The following ZNF679 variants were observed in gnomAD, a reference collection of about 807,000 sequenced individuals.
The protein encoded by ZNF679 is hypothetical protein MGC42415.
ZNF679 carries 10 observed loss-of-function variants against 13.4 expected under a neutral mutation model. The observed-to-expected ratio is 0.75, with a 90% CI of 0.46 to 1.27. The LOEUF is 1.27. Ranked by LOEUF, ZNF679 falls within the 50% of genes most tolerant of loss-of-function variation. ZNF679 has a pLI of 0.00. For missense variants in ZNF679, 525 were observed against 477.8 expected (o/e 1.10, Z -0.92); for synonymous variants, 179 against 162.5 (o/e 1.10, Z -0.77).
intron 1 of ZNF679, among the ~76,000 whole-genome samples, chr7:64,246,989 C>G (rs1475987796): frequency 6.6e-6 from 1 of 152,090 alleles, no homozygotes; most frequent in African/African-American, 2.4e-5. Flanking sequence ...TGGGCAATTC[C>G]CAGAACTGTG....
At chr7:64,245,876 G>T (rs1211973295) in intron 1 of ZNF679, among the ~76,000 whole-genome samples, 1 of 152,016 alleles carries the variant, frequency 6.6e-6, no homozygotes, top group Non-Finnish European at 1.5e-5. Flanking sequence ...TGTGGTGGTG[G>T]GTGCCTGTAA....
chr7:64,265,818 A>AT, intron 4 of ZNF679, 78 bp from the exon 5 acceptor site: 1 of 1,480,894 alleles, frequency 6.8e-7, no homozygotes, highest in Non-Finnish European at 9.0e-7. Context: ...ACCTTGTATA[A>AT]TTTTATATAT....
chr7:64,242,957 G>A (rs930242914), intron 1 of ZNF679, among the ~76,000 whole-genome samples: 2 of 152,112 alleles, frequency 1.3e-5, no homozygotes, highest in Admixed American at 1.3e-4. Flanking sequence ...TATTCTAACT[G>A]TGTATTGTGT....
At chr7:64,244,548 G>A (rs1787840886) in intron 1 of ZNF679, among the ~76,000 whole-genome samples, 1 of 152,126 alleles carries the variant, frequency 6.6e-6, no homozygotes, top group Non-Finnish European at 1.5e-5. Context: ...CTAACCACAA[G>A]TGTACAAAGT....
At position 64,260,934 on chromosome 7, in the gene ZNF679, G is replaced by A. The variant is rs781003068; in HGVS notation, c.262+5G>A. On this transcript the variant is annotated splice_donor_5th_base_variant and intron_variant, in intron 4 of 4. Transcript: ENST00000421025. ...AGATGGTAACCAAACACCCAGGTAAGTGAGAGTGGATGAAGCGGATGACAC... is the reference window on the plus strand; with the variant it reads ...AGATGGTAACCAAACACCCAGGTAAATGAGAGTGGATGAAGCGGATGACAC... The A allele has an allele frequency of 1.9e-6, 3 of 1,608,580 alleles. No individual in the cohort carries two copies. Among genetic ancestry groups the A allele is most frequent in the East Asian group, 2.2e-5 (1 of 44,732 alleles).
chr7:64,239,305 G>A (rs1353395235), intron 1 of ZNF679, among the ~76,000 whole-genome samples: 2 of 152,170 alleles, frequency 1.3e-5, no homozygotes, highest in Non-Finnish European at 2.9e-5. Flanking sequence ...AGAAGGGATT[G>A]GGGCTCTCAT....
intron 4 of ZNF679, 73 bp from the exon 5 acceptor site, chr7:64,265,823 A>G (rs769988141): frequency 5.8e-5 from 86 of 1,490,528 alleles, no homozygotes; most frequent in Non-Finnish European, 7.5e-5. Flanking sequence ...GTATAATTTT[A>G]TATATTCGAT....
chr7:64,259,365 A>T (rs1033412787), intron 2 of ZNF679, among the ~76,000 whole-genome samples: 2 of 152,172 alleles, frequency 1.3e-5, no homozygotes, highest in Non-Finnish European at 2.9e-5. Flanking sequence ...TACTGGGGAA[A>T]CACAGTTGTC....
At chr7:64,264,741 AT>A (rs1199438397) in intron 4 of ZNF679, among the ~76,000 whole-genome samples, 1 of 152,078 alleles carries the variant, frequency 6.6e-6, no homozygotes, top group East Asian at 1.9e-4. Flanking sequence ...TCAGAGGACT[AT>A]GCTTATAAAT....
intron 1 of ZNF679, among the ~76,000 whole-genome samples, chr7:64,232,382 A>G (rs549089814): frequency 6.6e-6 from 1 of 152,248 alleles, no homozygotes; most frequent in Non-Finnish European, 1.5e-5. Flanking sequence ...TAGAATACTC[A>G]GGAGCATACC....
chr7:64,259,907 A>G (rs2091018722), intron 2 of ZNF679, among the ~76,000 whole-genome samples: 1 of 152,064 alleles, frequency 6.6e-6, no homozygotes, highest in African/African-American at 2.4e-5. Flanking sequence ...CACCCTGGGC[A>G]ACAGAGTGAG....
intron 1 of ZNF679, among the ~76,000 whole-genome samples, chr7:64,245,462 G>GGAGA (rs1554370536): frequency 6.8e-6 from 1 of 146,242 alleles, no homozygotes; most frequent in South Asian, 2.2e-4. Context: ...AGAGAGAGAG[G>GGAGA]GAGAGAGAGA....
At position 64,266,145 on chromosome 7, in the gene ZNF679, C is replaced by G. The variant is rs749549821; in HGVS notation, c.512C>G (p.Ser171Cys). The change falls in exon 5 of 5, where the codon TCC (serine) becomes TGC (cysteine). Residue 171 changes from serine (S) to cysteine (C), a missense_variant. Coordinates refer to ENST00000421025, the MANE Select transcript of ZNF679 (RefSeq NM_153363.3). ...CVKVFGKFSNSNRHKTRHTGK... is the reference protein window; with the variant it reads ...CVKVFGKFSNCNRHKTRHTGK... Reference sequence around the variant, plus strand: ...AAAGTCTTCGGCAAATTTTCAAATTCCAATAGACATAAGACAAGACATACT... The same window carrying G: ...AAAGTCTTCGGCAAATTTTCAAATTGCAATAGACATAAGACAAGACATACT... 63 of 1,605,534 alleles carry G rather than the reference C, an allele frequency of 3.9e-5. No individual in the cohort carries two copies. The highest frequency in any genetic ancestry group is 1.4e-4 in the Admixed American group (8 of 58,538).
chr7:64,264,175 C>T (rs530911089), intron 4 of ZNF679, among the ~76,000 whole-genome samples: 1 of 151,588 alleles, frequency 6.6e-6, no homozygotes, highest in Non-Finnish European at 1.5e-5. Context: ...TTTTGTGTGT[C>T]TATAAAGATT....
intron 1 of ZNF679, among the ~76,000 whole-genome samples, chr7:64,248,408 G>A (rs28782007): frequency 0.33 from 50,823 of 151,734 alleles, 10,105 homozygotes; most frequent in East Asian, 0.82. Context: ...TCAGCCTCCT[G>A]AGTAGCTGGG....
chr7:64,234,620 T>C (rs1048725858), intron 1 of ZNF679, among the ~76,000 whole-genome samples: 1 of 152,188 alleles, frequency 6.6e-6, no homozygotes, highest in Non-Finnish European at 1.5e-5. Context: ...GCCTGGTTGA[T>C]ATACTGACTT....
At chr7:64,236,415 GGT>G (rs1284516544) in intron 1 of ZNF679, among the ~76,000 whole-genome samples, 1 of 151,788 alleles carries the variant, frequency 6.6e-6, no homozygotes, top group African/African-American at 2.4e-5. Context: ...AGGCACCAGA[GGT>G]GTGGTTTTGA....
chr7:64,258,632 TGGA>T (rs1433805709), intron 2 of ZNF679, among the ~76,000 whole-genome samples: 1 of 146,418 alleles, frequency 6.8e-6, no homozygotes, highest in Non-Finnish European at 1.5e-5. Flanking sequence ...ACCTAGGAGG[TGGA>T]GGTTACAGTG....
In ZNF679 at chr7:64,236,975, A is replaced by G. The variant is rs201245503; in HGVS notation, c.-91+8323A>G. On this transcript the variant is annotated intron_variant, in intron 1 of 4. Transcript: ENST00000421025. ...AAAGAAAGAAAGAAAGAAAGAAAGA[A>G]AAAGAAAGAAAGAAAGAAAGAAAGA... 6.6e-3 allele frequency among the ~76,000 whole-genome samples: 107 copies of G among 16,262 alleles called. 2 individuals carry two copies. Among genetic ancestry groups the G allele is most frequent in the East Asian group, 0.04 (7 of 174 alleles). The allele number at this position is 16,262 out of a possible 152,430, so 10.7% of individuals were successfully genotyped here. A position where few individuals can be genotyped will look rare whatever the true frequency, so the allele number is the denominator to read the frequency against.
Sources: gnomAD v4.1 joint callset for allele counts (sites outside exome capture counted in the v4.1 genomes callset) on GRCh38, gnomAD v4.1.1 for gene constraint, MANE v1.5 for transcripts, NCBI Gene and HGNC (gene_info 2026-07-23, HGNC 2026-07-21) for gene names.